The following MTMR12 variants were observed in gnomAD, a reference collection of about 807,000 sequenced individuals.
The protein encoded by MTMR12 is myotubularin related protein 12.
Under a neutral mutation model 96.7 loss-of-function variants are expected in MTMR12, and 33 were observed. The observed-to-expected ratio is 0.34, with a 90% CI of 0.26 to 0.46. The LOEUF (loss-of-function observed/expected upper bound fraction) is 0.46. Among genes scored for constraint, MTMR12 ranks in the 20% least tolerant of loss-of-function variants. MTMR12 has a pLI of 1.00. For missense variants in MTMR12, 721 were observed against 896.1 expected (o/e 0.80, Z 2.49); for synonymous variants, 298 against 327.2 (o/e 0.91, Z 0.96).
At chr5:32,268,611 C>A in intron 6 of MTMR12, 90 bp downstream of exon 6, 2 of 1,040,890 alleles carry the variant, frequency 1.9e-6, no homozygotes, top group Admixed American at 1.9e-5. Flanking sequence ...AAAAACAAAA[C>A]AACCCATAGA....
Position 32,274,051 on chromosome 5 carries a change from A to G in MTMR12, c.214T>C (p.Tyr72His). ...VQEDSCQHGV[Y>H]GRLVCTDFKI... Reference sequence around the variant, plus strand: ...AAGTCTGTGCAGACAAGCCTCCCATAGACCCCATGCTGACAGGAATCTTCC... The same window carrying G: ...AAGTCTGTGCAGACAAGCCTCCCATGGACCCCATGCTGACAGGAATCTTCC... The change falls in exon 3 of 16, where the codon TAT (tyrosine) becomes CAT (histidine). Residue 72 changes from tyrosine to histidine, a missense_variant. Transcript: ENST00000382142. 2 of 1,614,210 alleles carry G rather than the reference A, an allele frequency of 1.2e-6. No individual in the cohort carries two copies. The highest frequency in any genetic ancestry group is 2.2e-5 in the South Asian group (2 of 91,078).
intron 12 of MTMR12, 38 bp downstream of exon 12, chr5:32,242,019 G>A (rs766883138): frequency 6.5e-7 from 1 of 1,542,276 alleles, no homozygotes; most frequent in African/African-American, 1.4e-5. Context: ...TCAAGTGAAG[G>A]AAAATGGAAA....
chr5:32,300,610 C>T (rs891680391), intron 1 of MTMR12, among the ~76,000 whole-genome samples: 6 of 152,198 alleles, frequency 3.9e-5, no homozygotes, highest in African/African-American at 1.4e-4. Flanking sequence ...ACCCAGATTA[C>T]ATCTGCCATA....
Position 32,276,847 on chromosome 5 carries a change from G to A in MTMR12, c.82-105C>T. 1.3e-5 allele frequency: 8 copies of A among 596,996 alleles called. No individual in the cohort carries two copies. In the South Asian group the frequency reaches 1.7e-4, roughly 13 times the overall value. 37.0% of individuals were successfully genotyped at this position (596,996 alleles called of 1,614,324 possible). ...ACACTAAAATATCACATACCCTCAGGAGCTTTTCGTTTATGTTACAAGCTA... is the reference window on the plus strand; with the variant it reads ...ACACTAAAATATCACATACCCTCAGAAGCTTTTCGTTTATGTTACAAGCTA... On this transcript the variant is annotated intron_variant, in intron 1 of 15. Transcript: ENST00000382142.
At chr5:32,293,733 A>G (rs1345455552) in intron 1 of MTMR12, among the ~76,000 whole-genome samples, 1 of 152,142 alleles carries the variant, frequency 6.6e-6, no homozygotes. Flanking sequence ...TTTCAACAGT[A>G]TAGGCTGATG....
At chr5:32,249,878 T>C (rs150204397) in intron 8 of MTMR12, among the ~76,000 whole-genome samples, 28 of 152,320 alleles carry the variant, frequency 1.8e-4, no homozygotes, top group African/African-American at 6.5e-4. Flanking sequence ...GTTGTGGACT[T>C]TGAGTCCTGC....
At chr5:32,307,355 A>G (rs1461344662) in intron 1 of MTMR12, among the ~76,000 whole-genome samples, 14 of 152,098 alleles carry the variant, frequency 9.2e-5, no homozygotes, top group Admixed American at 9.2e-4. Flanking sequence ...AGGTCCCCCG[A>G]CAGAGGCACC....
chr5:32,312,920 G>A lies in MTMR12; in HGVS notation c.-82C>T, dbSNP rs1751663236. 3.4e-5 allele frequency: 44 copies of A among 1,296,442 alleles called. No individual in the cohort carries two copies. Among genetic ancestry groups the A allele is most frequent in the Non-Finnish European group, 4.3e-5 (42 of 985,708 alleles). 80.3% of individuals were successfully genotyped at this position (1,296,442 alleles called of 1,614,324 possible). A position where few individuals can be genotyped will look rare whatever the true frequency, so the allele number is the denominator to read the frequency against. ...GCTGGGGCAGCAGCGGCGGCCACCA[G>A]CACTAGCGGCTGGGGCTCCGCCCAT... On this transcript the variant is annotated 5_prime_UTR_variant, in exon 1 of 16. Transcript: ENST00000382142. The surrounding 1 kb of genome is among the most constrained non-coding windows in gnomAD (Gnocchi z 5.0).
At chr5:32,290,012 T>A (rs1009307009) in intron 1 of MTMR12, among the ~76,000 whole-genome samples, 3 of 152,204 alleles carry the variant, frequency 2.0e-5, no homozygotes, top group Non-Finnish European at 4.4e-5. Context: ...TGGATTCTCA[T>A]AAGCCTAACC....
At chr5:32,258,160 A>C (rs1278853715) in intron 7 of MTMR12, among the ~76,000 whole-genome samples, 1 of 152,310 alleles carries the variant, frequency 6.6e-6, no homozygotes, top group East Asian at 1.9e-4. Flanking sequence ...AAATCTTAAA[A>C]GTAATTAATG....
rs573605653 is a variant in MTMR12, at chr5:32,275,606, G to C, written c.142+1076C>G. 5.3e-5 allele frequency among the ~76,000 whole-genome samples: 8 copies of C among 152,308 alleles called. No individual in the cohort carries two copies. The East Asian group carries it at 5.8e-4, about 11-fold the overall frequency. ...CAGAGTCTAGAAGCACAAGAGTTGG[G>C]AGCTAGAAATGATCTTTGTCTAGTT... On this transcript the variant is annotated intron_variant, in intron 2 of 15. Coordinates refer to ENST00000382142, the MANE Select transcript of MTMR12 (RefSeq NM_001040446.3).
chr5:32,300,630 C>G (rs995963361), intron 1 of MTMR12, among the ~76,000 whole-genome samples: 63 of 152,320 alleles, frequency 4.1e-4, no homozygotes, highest in African/African-American at 1.4e-3. Flanking sequence ...ACTTACTGCG[C>G]TCCTCAGGTA....
intron 1 of MTMR12, among the ~76,000 whole-genome samples, chr5:32,283,345 C>T (rs1029376237): frequency 3.4e-5 from 5 of 148,964 alleles, no homozygotes; most frequent in African/African-American, 1.2e-4. Flanking sequence ...CCAGCCCTTA[C>T]TGAGGTTGAG....
chr5:32,228,361 T>C lies in MTMR12; in HGVS notation c.*1417A>G, dbSNP rs1747810674. On this transcript the variant is annotated 3_prime_UTR_variant, in exon 16 of 16. Coordinates refer to ENST00000382142, the MANE Select transcript of MTMR12 (RefSeq NM_001040446.3). ...CGAACATGTAACATTCAAATTGGGA[T>C]CCATACTGAAGAGCAAATATATGTA... The C allele has an allele frequency of 6.6e-6, 1 of 151,860 alleles. No homozygotes were observed. Among genetic ancestry groups the C allele is most frequent in the South Asian group, 2.1e-4 (1 of 4,812 alleles). 9.4% of individuals were successfully genotyped at this position (151,860 alleles called of 1,614,324 possible).
At chr5:32,256,107 T>C (rs1226600948) in intron 7 of MTMR12, among the ~76,000 whole-genome samples, 1 of 152,210 alleles carries the variant, frequency 6.6e-6, no homozygotes, top group Non-Finnish European at 1.5e-5. Flanking sequence ...TTGGGAGTAT[T>C]GTTCTCATAT....
chr5:32,228,516 A>AATATATATGATATATATGAT lies in MTMR12; in HGVS notation c.*1261_*1262insATCATATATATCATATATAT, dbSNP rs1200022072. ...AAGTATACTTTCCTGCATTAAAAAA[A>AATATATATGATATATATGAT]ATATATATCATATATATGATATATA... On this transcript the variant is annotated 3_prime_UTR_variant, in exon 16 of 16. Transcript: ENST00000382142. 269 of 108,218 alleles carry AATATATATGATATATATGAT rather than the reference A, an allele frequency of 2.5e-3. 3 individuals carry two copies. The highest frequency in any genetic ancestry group is 8.0e-3 in the African/African-American group (253 of 31,616). The allele number at this position is 108,218 out of a possible 1,614,324, so 6.7% of individuals were successfully genotyped here.
intron 7 of MTMR12, among the ~76,000 whole-genome samples, chr5:32,259,967 C>T (rs1291525220): frequency 4.4e-5 from 6 of 136,174 alleles, no homozygotes; most frequent in African/African-American, 1.4e-4. Flanking sequence ...ACCTGGGAGG[C>T]GGAGGTTGCA....
chr5:32,235,784 G>A (rs1315629158), intron 13 of MTMR12, among the ~76,000 whole-genome samples: 1 of 152,316 alleles, frequency 6.6e-6, no homozygotes, highest in South Asian at 2.1e-4. Context: ...TCCCAGAGGC[G>A]AGCCCTTGAT....
chr5:32,266,948 C>T (rs1306582669), intron 6 of MTMR12, among the ~76,000 whole-genome samples: 10 of 150,354 alleles, frequency 6.7e-5, no homozygotes, highest in Admixed American at 1.3e-4. Context: ...GGCATGGTGG[C>T]GCACACCTGT....
Sources: gnomAD v4.1 joint callset for allele counts (sites outside exome capture counted in the v4.1 genomes callset) on GRCh38, gnomAD v4.1.1 for gene constraint, Gnocchi (gnomAD v3.1) non-coding constraint, MANE v1.5 for transcripts, NCBI Gene and HGNC (gene_info 2026-07-23, HGNC 2026-07-21) for gene names.